Variants in PAK5 observed in about 807,000 individuals in gnomAD.
The protein encoded by PAK5 is p21 (RAC1) activated kinase 5.
In PAK5, 16 loss-of-function variants were observed where a neutral mutation model predicts 65.9. That is an observed-to-expected ratio of 0.24 (90% confidence interval 0.16 to 0.37). The LOEUF is 0.37. Among genes scored for constraint, PAK5 ranks in the 10% least tolerant of loss-of-function variants. The pLI, the probability that PAK5 is intolerant of heterozygous loss-of-function variation, is 1.00. For missense variants in PAK5, 785 were observed against 903.9 expected, an observed-to-expected ratio of 0.87 and a Z score of 1.69; for synonymous variants, 371 against 354.9, an observed-to-expected ratio of 1.05 and a Z score of -0.51.
intron 2 of PAK5, among the ~76,000 whole-genome samples, chr20:9,696,646 G>C (rs2047873815): frequency 6.6e-6 from 1 of 152,068 alleles, no homozygotes; most frequent in Non-Finnish European, 1.5e-5. Context: ...TACATTTGCA[G>C]AAGCAAAGAC....
intron 1 of PAK5, among the ~76,000 whole-genome samples, chr20:9,729,997 GAA>G (rs760289697): frequency 1.2e-5 from 1 of 82,272 alleles, no homozygotes; most frequent in Non-Finnish European, 2.2e-5. Flanking sequence ...GGGCAACAGG[GAA>G]AAAAAAAAAA....
chr20:9,621,054 C>T (rs2046758916), intron 3 of PAK5, among the ~76,000 whole-genome samples: 1 of 151,808 alleles, frequency 6.6e-6, no homozygotes, highest in African/African-American at 2.4e-5. Context: ...CAGATGACAA[C>T]TTGAATGTAA....
At chr20:9,617,549 C>CTTTTTTTTTT (rs532259417) in intron 3 of PAK5, among the ~76,000 whole-genome samples, 3 of 94,580 alleles carry the variant, frequency 3.2e-5, no homozygotes, top group Non-Finnish European at 4.1e-5. Flanking sequence ...AATCCCAATC[C>CTTTTTTTTTT]TTTTTTTTTT....
chr20:9,607,753 G>A (rs990315302), intron 3 of PAK5, among the ~76,000 whole-genome samples: 14 of 152,032 alleles, frequency 9.2e-5, no homozygotes, highest in Non-Finnish European at 1.9e-4. Flanking sequence ...TTGAGCGTGG[G>A]AGGTTGAGGC....
At chr20:9,777,704 T>A (rs1220003362) in intron 1 of PAK5, among the ~76,000 whole-genome samples, 1 of 152,124 alleles carries the variant, frequency 6.6e-6, no homozygotes, top group Non-Finnish European at 1.5e-5. Context: ...TATACATATA[T>A]TTTTTTGAAA....
chr20:9,787,132 C>T (rs566172314), intron 1 of PAK5, among the ~76,000 whole-genome samples: 1 of 152,262 alleles, frequency 6.6e-6, no homozygotes, highest in East Asian at 1.9e-4. Context: ...AGTAAATTCA[C>T]ATATACTCTT....
At chr20:9,634,904 A>G (rs775034667) in intron 3 of PAK5, among the ~76,000 whole-genome samples, 1 of 152,072 alleles carries the variant, frequency 6.6e-6, no homozygotes, top group Non-Finnish European at 1.5e-5. Flanking sequence ...GTCCAAGTCC[A>G]TTGTCCTCAC....
At chr20:9,789,488 A>G (rs1392475869) in intron 1 of PAK5, among the ~76,000 whole-genome samples, 1 of 152,180 alleles carries the variant, frequency 6.6e-6, no homozygotes, top group African/African-American at 2.4e-5. Flanking sequence ...GTTTCCATTA[A>G]GCCATTCTTT....
intron 1 of PAK5, among the ~76,000 whole-genome samples, chr20:9,792,202 C>G (rs1452060826): frequency 6.6e-6 from 1 of 152,078 alleles, no homozygotes; most frequent in Non-Finnish European, 1.5e-5. Context: ...TTCACATTAG[C>G]AGGGGAAATC....
chr20:9,567,927 G>A (rs1241984922), intron 4 of PAK5, among the ~76,000 whole-genome samples: 4 of 152,190 alleles, frequency 2.6e-5, no homozygotes, highest in African/African-American at 9.7e-5. Flanking sequence ...AAGCCTGGCT[G>A]AGTGAGGGAA....
chr20:9,618,403 CTTTTTT>C lies in PAK5; in HGVS notation c.204+25716_204+25721del, dbSNP rs58376139. On this transcript the variant is annotated intron_variant, in intron 3 of 9. Transcript: ENST00000353224. ...CAGGACAGACTATTACGGCCTGGAACTTTTTTTTTTTTTTTTTTTTTGAGACAGAGT... is the reference window on the plus strand; with the variant it reads ...CAGGACAGACTATTACGGCCTGGAACTTTTTTTTTTTTTTTGAGACAGAGT... 1.9e-3 allele frequency among the ~76,000 whole-genome samples: 244 copies of C among 129,784 alleles called. 1 individual carries two copies. The highest frequency in any genetic ancestry group is 0.011 in the Middle Eastern group (3 of 262). The allele number at this position is 129,784 out of a possible 152,430, so 85.1% of individuals were successfully genotyped here.
chr20:9,804,686 C>T (rs937706006), intron 1 of PAK5, among the ~76,000 whole-genome samples: 2 of 152,138 alleles, frequency 1.3e-5, no homozygotes, highest in Non-Finnish European at 1.5e-5. Context: ...ACACCTAAAG[C>T]GCAAGCAACC....
At chr20:9,792,465 A>G (rs1180717165) in intron 1 of PAK5, among the ~76,000 whole-genome samples, 1 of 152,064 alleles carries the variant, frequency 6.6e-6, no homozygotes, top group African/African-American at 2.4e-5. Flanking sequence ...CAGGAATTAT[A>G]CTCCCCAGTC....
intron 7 of PAK5, among the ~76,000 whole-genome samples, chr20:9,548,966 G>A (rs1276580162): frequency 6.6e-6 from 1 of 152,144 alleles, no homozygotes; most frequent in African/African-American, 2.4e-5. Context: ...GTTTAGCAGA[G>A]AGGTGATATT....
intron 3 of PAK5, among the ~76,000 whole-genome samples, chr20:9,594,512 G>A (rs1305966271): frequency 6.6e-6 from 1 of 152,174 alleles, no homozygotes; most frequent in Non-Finnish European, 1.5e-5. Context: ...ATGCTGATTT[G>A]TTTCTGAATT....
At chr20:9,738,167 A>G (rs977731002) in intron 1 of PAK5, among the ~76,000 whole-genome samples, 1 of 151,888 alleles carries the variant, frequency 6.6e-6, no homozygotes, top group African/African-American at 2.4e-5. Flanking sequence ...ACAAACAAAC[A>G]AACAAAAAAA....
At chr20:9,594,817 G>A (rs900881820) in intron 3 of PAK5, among the ~76,000 whole-genome samples, 5 of 151,974 alleles carry the variant, frequency 3.3e-5, no homozygotes, top group Admixed American at 6.6e-5. Context: ...CTTCTGCTTC[G>A]ACAGCCCTAA....
intron 2 of PAK5, among the ~76,000 whole-genome samples, chr20:9,682,835 T>C (rs117293755): frequency 0.011 from 1,633 of 152,290 alleles, 11 homozygotes; most frequent in Non-Finnish European, 0.017. Context: ...TCCTCATCCA[T>C]TGGAATGACA....
In PAK5 at chr20:9,566,199, C is replaced by T. The variant is rs772238857; in HGVS notation, c.1176G>A (p.Ser392=). ...GGTAGGAAGCCGTGGAGATGTACTGCGAACTGCTCTGCAGGGAGGGGTGAT... is the reference window on the plus strand; with the variant it reads ...GGTAGGAAGCCGTGGAGATGTACTGTGAACTGCTCTGCAGGGAGGGGTGAT... The part of the protein sequence containing the change: ...LYHHPSLQSS[S]QYISTASYLS... Residue 392 remains serine (S), a synonymous_variant, in exon 5 of 10, where the codon TCG becomes TCA. Transcript: ENST00000353224. 2 of 1,613,698 alleles carry T rather than the reference C, an allele frequency of 1.2e-6. No individual in the cohort carries two copies. The highest frequency in any genetic ancestry group is 1.7e-6 in the Non-Finnish European group (2 of 1,179,928).
Sources: allele counts gnomAD v4.1 joint callset (sites outside exome capture counted in the v4.1 genomes callset), GRCh38; gene constraint gnomAD v4.1.1; transcripts MANE v1.5; gene names NCBI Gene and HGNC (gene_info 2026-07-23, HGNC 2026-07-21).